Variants in MEGF8 observed in about 807,000 individuals in gnomAD.
The protein encoded by MEGF8 is multiple epidermal growth factor-like domains protein 8.
MEGF8 carries 156 observed loss-of-function variants against 302.9 expected under a neutral mutation model. The ratio of observed to expected loss-of-function variants is 0.52; its 90% CI spans 0.45 to 0.59. The LOEUF (loss-of-function observed/expected upper bound fraction) is 0.59, where lower values mean the gene tolerates loss of function less well. Among genes scored for constraint, MEGF8 ranks in the 20% least tolerant of loss-of-function variants. The pLI, the probability that MEGF8 is intolerant of heterozygous loss-of-function variation, is 0.00. For synonymous variants in MEGF8, 1,621 were observed against 1,660.5 expected (o/e 0.98, Z 0.58); for missense variants, 3,345 against 3,964.5 (o/e 0.84, Z 4.20).
chr19:42,376,740 TTGA>T lies in MEGF8; in HGVS notation c.8504_8506del (p.Leu2835_Ser2836delinsCys). ...GACTGGTGCGGGCCGGAAGGGACTG[TTGA>T]GCCAGGACAACCTCACCAGCATGTC... is the stretch of plus-strand genomic sequence containing the variant. On this transcript the variant is annotated inframe_deletion, in exon 42 of 42. Coordinates refer to ENST00000251268, the MANE Select transcript of MEGF8 (RefSeq NM_001271938.2). The surrounding 1 kb of genome is among the most constrained non-coding windows in gnomAD (Gnocchi z 8.2). The T allele has an allele frequency of 6.8e-7, 1 of 1,470,092 alleles. No individual in the cohort carries two copies. Among genetic ancestry groups the T allele is most frequent in the South Asian group, 1.4e-5 (1 of 73,006 alleles). The allele number at this position is 1,470,092 out of a possible 1,614,324, so 91.1% of individuals were successfully genotyped here. A position where few individuals can be genotyped will look rare whatever the true frequency, so the allele number is the denominator to read the frequency against.
chr19:42,375,777 C>T lies in MEGF8; in HGVS notation c.7540C>T (p.Arg2514Cys), dbSNP rs753248304. The stretch of plus-strand genomic sequence containing the variant: ...CACCTCCTATGACACCTTCGTGGTC[C>T]GTGTGGCCCCTGACACTGGCGTCCA... ...VSTSYDTFVV[R>C]VAPDTGVHTV... The change falls in exon 42 of 42, where the codon CGT becomes TGT. Residue 2514 changes from arginine to cysteine, a missense_variant. Transcript: ENST00000251268. This position sits in a 1 kb window ranked among gnomAD's most constrained non-coding sequence, Gnocchi z 7.1. 7 of 1,612,990 alleles carry T rather than the reference C, an allele frequency of 4.3e-6. No individual in the cohort carries two copies. Among genetic ancestry groups the T allele is most frequent in the East Asian group, 2.2e-5 (1 of 44,856 alleles).
Position 42,336,818 on chromosome 19 carries a change from G to A in MEGF8, c.1256G>A (p.Arg419Gln), listed in dbSNP as rs1257064827. The A allele has an allele frequency of 3.8e-6, 6 of 1,595,192 alleles. No homozygotes were observed. Among genetic ancestry groups the A allele is most frequent in the Non-Finnish European group, 4.3e-6 (5 of 1,170,186 alleles). Residue 419 changes from arginine (R) to glutamine (Q), a missense_variant, in exon 7 of 42, where the codon CGA becomes CAA. By Grantham distance (43) the Arg-to-Gln change is conservative (BLOSUM62 1). Transcript: ENST00000251268. This position sits in a 1 kb window ranked among gnomAD's most constrained non-coding sequence, Gnocchi z 4.8. ...TTCTCCTTCGGTAGGTTCTCTGTGCGAGTGAACTCCACTGAGCTTTTCCAC... is the reference window on the plus strand; with the variant it reads ...TTCTCCTTCGGTAGGTTCTCTGTGCAAGTGAACTCCACTGAGCTTTTCCAC... The part of the protein sequence containing the change: ...HRPSTARFSV[R>Q]VNSTELFHVD...
rs560706865 is a variant in MEGF8 at position 42,375,222 on chromosome 19, G to A, written c.7270-285G>A. On this transcript the variant is annotated intron_variant, in intron 41 of 41. Transcript: ENST00000251268. This position sits in a 1 kb window ranked among gnomAD's most constrained non-coding sequence, Gnocchi z 7.1. ...GGAGGTAGAGCCAGAATGCAGCCGC[G>A]TTCTTCACTGCTGTGCCTCAGAGTG... is the stretch of plus-strand genomic sequence containing the variant. Among the ~76,000 whole-genome samples the A allele has an allele frequency of 2.4e-4, 37 of 152,324 alleles. No individual in the cohort carries two copies. The highest frequency in any genetic ancestry group is 3.7e-4 in the Non-Finnish European group (25 of 68,016).
chr19:42,326,216 G>T lies in MEGF8; in HGVS notation c.-28G>T. The stretch of plus-strand genomic sequence containing the variant: ...CTCCAGGTTTTTACGGCCTGTCCCC[G>T]CTCTAAGGGTCAGTGCAGGAGGCGG... On this transcript the variant is annotated 5_prime_UTR_variant, in exon 1 of 42. Transcript: ENST00000251268. 1.4e-6 allele frequency: 2 copies of T among 1,475,656 alleles called. No homozygotes were observed. Among genetic ancestry groups the T allele is most frequent in the Non-Finnish European group, 1.8e-6 (2 of 1,120,870 alleles). The allele number at this position is 1,475,656 out of a possible 1,614,324, so 91.4% of individuals were successfully genotyped here.
chr19:42,352,619 G>T lies in MEGF8; in HGVS notation c.3350+163G>T, dbSNP rs1291394171. Among the ~76,000 whole-genome samples the T allele has an allele frequency of 6.6e-6, 1 of 152,218 alleles. No homozygotes were observed. The highest frequency in any genetic ancestry group is 1.9e-4 in the East Asian group (1 of 5,190). On this transcript the variant is annotated intron_variant, in intron 19 of 41. Coordinates refer to ENST00000251268, the MANE Select transcript of MEGF8 (RefSeq NM_001271938.2). This position sits in a 1 kb window ranked among gnomAD's most constrained non-coding sequence, Gnocchi z 4.4. ...CACTAGGTCCTTATTAGAGTGACAG[G>T]GTCCCCAGTGTAACCCTGGTTACCA...
chr19:42,332,454 G>C (rs2039067699), intron 1 of MEGF8, among the ~76,000 whole-genome samples: 2 of 152,010 alleles, frequency 1.3e-5, no homozygotes, highest in Admixed American at 1.3e-4. Context: ...TGCAACCTCT[G>C]CCTCCCAGGT....
chr19:42,343,677 AG>A, intron 9 of MEGF8, 46 bp downstream of exon 9: 2 of 1,547,882 alleles, frequency 1.3e-6, no homozygotes, highest in Non-Finnish European at 1.7e-6. Context: ...GGGAGGAGGT[AG>A]CAGGGTTTCC....
rs891122904 is a variant in MEGF8, at chr19:42,369,937, G to A, written c.6834+214G>A. On this transcript the variant is annotated intron_variant, in intron 38 of 41. Coordinates refer to ENST00000251268, the MANE Select transcript of MEGF8 (RefSeq NM_001271938.2). This position sits in a 1 kb window ranked among gnomAD's most constrained non-coding sequence, Gnocchi z 5.7. ...TGCCCTGGAATAGTGGACGGAGTGG[G>A]TGCTGCGCCAGGAGGACAGGCACGT... is the stretch of plus-strand genomic sequence containing the variant. Among the ~76,000 whole-genome samples, 2 of 152,354 alleles carry A rather than the reference G, an allele frequency of 1.3e-5. No homozygotes were observed. Among genetic ancestry groups the A allele is most frequent in the Middle Eastern group, 3.4e-3 (1 of 294 alleles).
Position 42,343,572 on chromosome 19 carries a change from C to T in MEGF8, c.1609C>T (p.Arg537Cys), listed in dbSNP as rs755408868. The change falls in exon 9 of 42, where the codon CGT (arginine) becomes TGT (cysteine). Residue 537 changes from arginine to cysteine, a missense_variant. Transcript: ENST00000251268. Reference protein sequence around the residue: ...LVAGGYSGRPRGDLMAYKVPP... With the variant: ...LVAGGYSGRPCGDLMAYKVPP... ...GGCTGGGGGGTACAGCGGCCGGCCCCGTGGGGACTTGATGGCGTACAAGGT... is the reference window on the plus strand; with the variant it reads ...GGCTGGGGGGTACAGCGGCCGGCCCTGTGGGGACTTGATGGCGTACAAGGT... 1.6e-5 allele frequency: 26 copies of T among 1,612,962 alleles called. 1 individual carries two copies. The highest frequency in any genetic ancestry group is 4.4e-5 in the South Asian group (4 of 90,986).
chr19:42,327,061 T>A (rs1004475454), intron 1 of MEGF8, among the ~76,000 whole-genome samples: 1 of 152,230 alleles, frequency 6.6e-6, no homozygotes, highest in Non-Finnish European at 1.5e-5. Flanking sequence ...GAGGTTCTGT[T>A]TCCTTCCCCC....
intron 1 of MEGF8, 127 bp downstream of exon 1, chr19:42,326,557 C>G: frequency 7.2e-7 from 1 of 1,394,696 alleles, no homozygotes; most frequent in Non-Finnish European, 9.3e-7. Context: ...GCCTGACACC[C>G]AGGGTTGCAG....
chr19:42,352,588 C>G lies in MEGF8; in HGVS notation c.3350+132C>G. On this transcript the variant is annotated intron_variant, in intron 19 of 41. Transcript: ENST00000251268. The surrounding 1 kb of genome is among the most constrained non-coding windows in gnomAD (Gnocchi z 4.4). ...TCCCCAGTTAGCCAGGGGTTTTTAC[C>G]TTGCACACTAGGTCCTTATTAGAGT... The G allele has an allele frequency of 1.7e-6, 2 of 1,194,258 alleles. No homozygotes were observed. The highest frequency in any genetic ancestry group is 1.5e-5 in the South Asian group (1 of 65,202). 74.0% of individuals were successfully genotyped at this position (1,194,258 alleles called of 1,614,324 possible).
In MEGF8 at chr19:42,370,290, C is replaced by A. The variant is rs764031754; in HGVS notation, c.6936C>A (p.Ile2312=). The A allele has an allele frequency of 1.1e-5, 18 of 1,613,458 alleles. No homozygotes were observed. In the Admixed American group the frequency reaches 3.0e-4, roughly 27 times the overall value. The change falls in exon 39 of 42, where the codon ATC becomes ATA. Residue 2312 remains isoleucine (I), a synonymous_variant. Coordinates refer to ENST00000251268, the MANE Select transcript of MEGF8 (RefSeq NM_001271938.2). ...CHAFCRGNSH[I]CISRKELQMS... ...CCTTTTGTCGTGGAAATAGCCACATCTGCATCTCCAGGAAGGAGTTACAAA... is the reference window on the plus strand; with the variant it reads ...CCTTTTGTCGTGGAAATAGCCACATATGCATCTCCAGGAAGGAGTTACAAA...
intron 31 of MEGF8, among the ~76,000 whole-genome samples, chr19:42,359,830 AG>A (rs2039505460): frequency 6.7e-6 from 1 of 149,780 alleles, no homozygotes; most frequent in African/African-American, 2.5e-5. Context: ...CTGGGACTAC[AG>A]GCATGCCACC....
At position 42,348,479 on chromosome 19, in the gene MEGF8, C is replaced by G; in HGVS notation, c.2298+7C>G. 1 of 1,508,894 alleles carries G rather than the reference C, an allele frequency of 6.6e-7. No homozygotes were observed. The highest frequency in any genetic ancestry group is 2.5e-5 in the East Asian group (1 of 40,384). 93.5% of individuals were successfully genotyped at this position (1,508,894 alleles called of 1,614,324 possible). The stretch of plus-strand genomic sequence containing the variant: ...CCCTGACACGGAGAACATGGTGAGG[C>G]CGCCTGGGACATTCAGGGGGTTGTT... On this transcript the variant is annotated splice_region_variant and intron_variant, in intron 13 of 41. Coordinates refer to ENST00000251268, the MANE Select transcript of MEGF8 (RefSeq NM_001271938.2).
At chr19:42,337,857 G>T (rs529471775) in intron 8 of MEGF8, among the ~76,000 whole-genome samples, 2 of 152,106 alleles carry the variant, frequency 1.3e-5, no homozygotes, top group East Asian at 3.9e-4. Context: ...GGGCTAGAGT[G>T]CAGTAGCGTG....
In MEGF8 at chr19:42,352,792, CAG is replaced by C. The variant is rs2039395750; in HGVS notation, c.3351-135_3351-134del. ...GTGATGCATGGAGTTACCTTGGAGA[CAG>C]GGTCACCCACATAGCCCAAAACCAT... On this transcript the variant is annotated intron_variant, in intron 19 of 41. Coordinates refer to ENST00000251268, the MANE Select transcript of MEGF8 (RefSeq NM_001271938.2). This position sits in a 1 kb window ranked among gnomAD's most constrained non-coding sequence, Gnocchi z 4.4. The C allele has an allele frequency of 1.4e-6, 1 of 693,544 alleles. No homozygotes were observed. The highest frequency in any genetic ancestry group is 2.4e-6 in the Non-Finnish European group (1 of 409,780). 43.0% of individuals were successfully genotyped at this position (693,544 alleles called of 1,614,324 possible). A position where few individuals can be genotyped will look rare whatever the true frequency, so the allele number is the denominator to read the frequency against.
chr19:42,363,383 C>T (rs752549933), intron 35 of MEGF8, 121 bp downstream of exon 35: 125 of 861,476 alleles, frequency 1.5e-4, no homozygotes, highest in Non-Finnish European at 2.1e-4. Context: ...CTCCCTGGCT[C>T]TAGCTGCAGT....
rs769198239 is a variant in MEGF8, at chr19:42,351,162, T to G, written c.2737-54T>G. 114 of 1,478,258 alleles carry G rather than the reference T, an allele frequency of 7.7e-5. No homozygotes were observed. The Admixed American group carries it at 1.6e-3, about 21-fold the overall frequency. 91.6% of individuals were successfully genotyped at this position (1,478,258 alleles called of 1,614,324 possible). ...CAGGGGGTGGGATGGGCACTGGGAG[T>G]CCAAAGGAAAGGGCTGAGTGGGGTT... On this transcript the variant is annotated intron_variant, in intron 15 of 41. Coordinates refer to ENST00000251268, the MANE Select transcript of MEGF8 (RefSeq NM_001271938.2). The surrounding 1 kb of genome is among the most constrained non-coding windows in gnomAD (Gnocchi z 5.6).
Sources: gnomAD v4.1 joint callset for allele counts (sites outside exome capture counted in the v4.1 genomes callset) on GRCh38, gnomAD v4.1.1 for gene constraint, Gnocchi (gnomAD v3.1) non-coding constraint, MANE v1.5 for transcripts, NCBI Gene and HGNC (gene_info 2026-07-23, HGNC 2026-07-21) for gene names.